Variants in GAD2 observed in about 807,000 individuals in gnomAD.
GAD2 encodes the protein glutamate decarboxylase 2.
In GAD2, 22 loss-of-function variants were observed where a neutral mutation model predicts 80.1. The ratio of observed to expected loss-of-function variants is 0.27; its 90% CI spans 0.20 to 0.39. The LOEUF is 0.39. GAD2 is among the 10% of genes least tolerant of loss of function. GAD2 has a pLI of 1.00. For missense variants in GAD2, 624 were observed against 738.4 expected, an observed-to-expected ratio of 0.85 and a Z score of 1.80; for synonymous variants, 274 against 256.9, an observed-to-expected ratio of 1.07 and a Z score of -0.64.
At chr10:26,218,573 A>T (rs1844413931) in intron 3 of GAD2, among the ~76,000 whole-genome samples, 1 of 151,562 alleles carries the variant, frequency 6.6e-6, no homozygotes, top group African/African-American at 2.4e-5. Flanking sequence ...ACACACACAC[A>T]CACACACACA....
At chr10:26,256,248 T>TTATA (rs536177329) in intron 8 of GAD2, among the ~76,000 whole-genome samples, 4 of 150,344 alleles carry the variant, frequency 2.7e-5, no homozygotes, top group African/African-American at 9.8e-5. Context: ...TATATGCATA[T>TTATA]TATATATATA....
At chr10:26,264,253 A>T (rs963155198) in intron 8 of GAD2, among the ~76,000 whole-genome samples, 1 of 152,058 alleles carries the variant, frequency 6.6e-6, no homozygotes, top group African/African-American at 2.4e-5. Context: ...CTTCAAGTAC[A>T]CACAGTTAGC....
At chr10:26,296,717 ATTT>A (rs1307477781) in intron 15 of GAD2, among the ~76,000 whole-genome samples, 1 of 151,856 alleles carries the variant, frequency 6.6e-6, no homozygotes, top group African/African-American at 2.4e-5. Context: ...TCTTATTTTA[ATTT>A]TTTTTATTCT....
intron 7 of GAD2, among the ~76,000 whole-genome samples, chr10:26,230,875 G>A (rs890132041): frequency 3.9e-5 from 6 of 151,988 alleles, no homozygotes; most frequent in African/African-American, 1.2e-4. Flanking sequence ...ATCATTTGAG[G>A]TCAGGAGTTC....
chr10:26,273,734 T>C, intron 11 of GAD2, 34 bp downstream of exon 11: 1 of 1,563,786 alleles, frequency 6.4e-7, no homozygotes. Context: ...CAACATAAAG[T>C]GTTAAAAGCT....
chr10:26,228,195 G>A, intron 6 of GAD2, among the ~76,000 whole-genome samples: 1 of 152,144 alleles, frequency 6.6e-6, no homozygotes, highest in East Asian at 1.9e-4. Context: ...ATATTAATTT[G>A]CATTCATAAC....
chr10:26,263,179 C>T (rs1463667695), intron 8 of GAD2, among the ~76,000 whole-genome samples: 1 of 152,140 alleles, frequency 6.6e-6, no homozygotes, highest in Non-Finnish European at 1.5e-5. Context: ...CCCAAAATAT[C>T]CTTCTCTTAT....
At chr10:26,222,071 A>G (rs1258696000) in intron 4 of GAD2, among the ~76,000 whole-genome samples, 1 of 152,158 alleles carries the variant, frequency 6.6e-6, no homozygotes, top group African/African-American at 2.4e-5. Context: ...CTCCCTCCCT[A>G]TTTTCACATC....
intron 8 of GAD2, among the ~76,000 whole-genome samples, chr10:26,257,191 A>G (rs754408699): frequency 6.6e-6 from 1 of 152,170 alleles, no homozygotes; most frequent in Non-Finnish European, 1.5e-5. Context: ...AGCCTAACCA[A>G]CGTGGTGAAA....
chr10:26,260,653 C>T (rs1168727280), intron 8 of GAD2, among the ~76,000 whole-genome samples: 3 of 151,890 alleles, frequency 2.0e-5, no homozygotes, highest in Admixed American at 6.6e-5. Context: ...ACTTTCCAGA[C>T]GTAGAATTTC....
chr10:26,260,453 A>AC, intron 8 of GAD2, among the ~76,000 whole-genome samples: 1 of 152,206 alleles, frequency 6.6e-6, no homozygotes, highest in East Asian at 1.9e-4. Context: ...ACATGGTGAA[A>AC]CCCCATCTCT....
chr10:26,251,050 T>G (rs1844874970), intron 8 of GAD2, among the ~76,000 whole-genome samples: 1 of 138,606 alleles, frequency 7.2e-6, no homozygotes, highest in African/African-American at 3.0e-5. Context: ...CGGCATTTTT[T>G]TTTTGCTTTT....
In GAD2 at chr10:26,300,806, G is replaced by A; in HGVS notation, c.1603G>A (p.Ala535Thr). Residue 535 changes from alanine (A) to threonine (T), a missense_variant, in exon 16 of 16, where the codon GCC becomes ACC. Physicochemically the swap from Ala to Thr is moderately conservative, Grantham distance 58 (BLOSUM62 0). Transcript: ENST00000376261. ...CCCACAGGTGGCTCCAGTGATTAAA[G>A]CCAGAATGATGGAGTATGGAACCAC... ...RLSKVAPVIK[A>T]RMMEYGTTMV... is the part of the protein sequence containing the mutation. The A allele has an allele frequency of 6.2e-7, 1 of 1,613,746 alleles. No individual in the cohort carries two copies. The highest frequency in any genetic ancestry group is 8.5e-7 in the Non-Finnish European group (1 of 1,179,724).
At chr10:26,246,392 T>A (rs975256025) in intron 8 of GAD2, among the ~76,000 whole-genome samples, 1 of 152,014 alleles carries the variant, frequency 6.6e-6, no homozygotes, top group African/African-American at 2.4e-5. Context: ...GGGGACGTAG[T>A]ATAGGGAGCA....
At chr10:26,224,374 AT>A (rs1263094401) in intron 5 of GAD2, among the ~76,000 whole-genome samples, 164 bp from the exon 6 acceptor site, 7 of 152,196 alleles carry the variant, frequency 4.6e-5, no homozygotes, top group Non-Finnish European at 5.9e-5. Flanking sequence ...AAAAATAAAC[AT>A]TTTGGAAGGC....
chr10:26,235,390 C>T (rs1844659294), intron 7 of GAD2, among the ~76,000 whole-genome samples: 1 of 152,168 alleles, frequency 6.6e-6, no homozygotes, highest in Non-Finnish European at 1.5e-5. Flanking sequence ...ACCCTTCACT[C>T]TGTCTCTGTT....
At chr10:26,280,411 T>C (rs1325474663) in intron 11 of GAD2, among the ~76,000 whole-genome samples, 1 of 152,130 alleles carries the variant, frequency 6.6e-6, no homozygotes, top group East Asian at 1.9e-4. Context: ...ATATGTAAGA[T>C]GAACACTGGT....
intron 11 of GAD2, among the ~76,000 whole-genome samples, chr10:26,275,480 C>A (rs530518112): frequency 6.6e-6 from 1 of 152,328 alleles, no homozygotes; most frequent in East Asian, 1.9e-4. Context: ...TGCCGCAATT[C>A]TTGAAACTGT....
intron 12 of GAD2, among the ~76,000 whole-genome samples, chr10:26,285,129 G>T (rs1845317372): frequency 6.6e-6 from 1 of 152,120 alleles, no homozygotes; most frequent in Non-Finnish European, 1.5e-5. Context: ...TATTTCTACT[G>T]ATCTAATACA....
Sources: gnomAD v4.1 joint callset for allele counts (sites outside exome capture counted in the v4.1 genomes callset) on GRCh38, gnomAD v4.1.1 for gene constraint, MANE v1.5 for transcripts, NCBI Gene and HGNC (gene_info 2026-07-23, HGNC 2026-07-21) for gene names.